RASEF: variants seen among roughly 807,000 people sequenced by gnomAD.
RASEF encodes RAS and EF-hand domain containing.
In RASEF, 68 loss-of-function variants were observed where a neutral mutation model predicts 90.1. That is an observed-to-expected ratio of 0.75 (90% CI 0.62 to 0.92). The LOEUF is 0.92. Among genes scored for constraint, RASEF ranks in the 40% least tolerant of loss-of-function variants. The pLI is 0.00. For synonymous variants in RASEF, 331 were observed against 345.2 expected (o/e 0.96, Z 0.46); for missense variants, 949 against 937.2 (o/e 1.01, Z -0.16).
the RASEF span, among the ~76,000 whole-genome samples, chr9:83,108,902 C>A: frequency 6.6e-6 from 1 of 152,164 alleles, no homozygotes; most frequent in Non-Finnish European, 1.5e-5. Flanking sequence ...ACACACAACC[C>A]AACTCTGAGA....
intron 1 of RASEF, chr9:83,054,602 T>C (rs890253974): frequency 6.7e-6 from 1 of 150,224 alleles, no homozygotes; most frequent in Non-Finnish European, 1.5e-5. Context: ...CTGCGTTCCT[T>C]TGGAGGAGGA....
intron 16 of RASEF, among the ~76,000 whole-genome samples, chr9:82,986,995 G>A (rs921948852): frequency 3.3e-5 from 5 of 152,092 alleles, no homozygotes; most frequent in Non-Finnish European, 7.4e-5. Context: ...AATATTTATG[G>A]CCTCCCTTTA....
chr9:82,993,547 A>C (rs1828854196), intron 14 of RASEF, among the ~76,000 whole-genome samples: 1 of 152,246 alleles, frequency 6.6e-6, no homozygotes, highest in Non-Finnish European at 1.5e-5. Context: ...AACACACAGT[A>C]ATTTTTCAAC....
chr9:82,984,453 C>A (rs1217150981), intron 16 of RASEF, among the ~76,000 whole-genome samples: 1 of 152,110 alleles, frequency 6.6e-6, no homozygotes, highest in Non-Finnish European at 1.5e-5. Flanking sequence ...AAGAAGACAT[C>A]TCAGCAGGGA....
intron 1 of RASEF, among the ~76,000 whole-genome samples, chr9:83,032,343 C>T (rs1215098391): frequency 6.6e-6 from 1 of 152,186 alleles, no homozygotes; most frequent in Non-Finnish European, 1.5e-5. Context: ...TTGAATTCAT[C>T]AAGGACCCAG....
chr9:83,026,982 AC>A (rs1829560467), intron 1 of RASEF, among the ~76,000 whole-genome samples: 1 of 152,116 alleles, frequency 6.6e-6, no homozygotes, highest in Non-Finnish European at 1.5e-5. Context: ...TACACTTCTG[AC>A]CAATCACCTA....
the RASEF span, among the ~76,000 whole-genome samples, chr9:83,202,666 G>GTTTGTTTT: frequency 2.8e-4 from 42 of 152,084 alleles, no homozygotes; most frequent in African/African-American, 9.2e-4. Flanking sequence ...TTGTTTGTTT[G>GTTTGTTTT]TTTTAATTTT....
the RASEF span, among the ~76,000 whole-genome samples, chr9:83,121,589 G>A: frequency 6.8e-6 from 1 of 147,270 alleles, no homozygotes; most frequent in African/African-American, 2.5e-5. Context: ...GCAGAGTTGA[G>A]TAGTTATGAC....
intron 1 of RASEF, among the ~76,000 whole-genome samples, chr9:83,028,116 C>T (rs1391923595): frequency 6.6e-6 from 1 of 152,154 alleles, no homozygotes; most frequent in Non-Finnish European, 1.5e-5. Flanking sequence ...TACCATAATA[C>T]CAGCATCAAA....
the RASEF span, among the ~76,000 whole-genome samples, chr9:83,186,114 G>A: frequency 1.3e-5 from 2 of 152,276 alleles, no homozygotes; most frequent in East Asian, 1.9e-4. Flanking sequence ...AAACTAACGG[G>A]AGTGGCTGTG....
At chr9:83,166,673 C>T in the RASEF span, among the ~76,000 whole-genome samples, 1 of 152,146 alleles carries the variant, frequency 6.6e-6, no homozygotes, top group African/African-American at 2.4e-5. Context: ...TGCACCCCCA[C>T]CCCAGCCTGG....
chr9:83,089,907 T>C, the RASEF span, among the ~76,000 whole-genome samples: 3 of 139,146 alleles, frequency 2.2e-5, no homozygotes, highest in Non-Finnish European at 4.9e-5. Flanking sequence ...GATAGATAGA[T>C]AGATAGATAG....
chr9:83,215,240 T>G, the RASEF span, among the ~76,000 whole-genome samples: 1 of 152,082 alleles, frequency 6.6e-6, no homozygotes, highest in Non-Finnish European at 1.5e-5. Context: ...AACTTCACAT[T>G]CATCCTTCAA....
intron 12 of RASEF, among the ~76,000 whole-genome samples, 185 bp downstream of exon 12, chr9:82,999,984 G>GACACACACACAC (rs55873985): frequency 4.3e-5 from 6 of 141,024 alleles, no homozygotes; most frequent in East Asian, 4.2e-4. Flanking sequence ...TAGACTAGGA[G>GACACACACACAC]ACACACACAC....
chr9:83,137,384 A>T, the RASEF span, among the ~76,000 whole-genome samples: 2 of 152,194 alleles, frequency 1.3e-5, no homozygotes, highest in African/African-American at 4.8e-5. Flanking sequence ...AAAAGATAAT[A>T]ATCATAACAA....
In RASEF at chr9:82,993,615, AC is replaced by A. The variant is rs1413477456; in HGVS notation, c.1921-591del. On this transcript the variant is annotated intron_variant, in intron 14 of 16. Coordinates refer to ENST00000376447, the MANE Select transcript of RASEF (RefSeq NM_152573.4). Reference sequence around the variant, plus strand: ...CACACTCACTGCTCTCTGGTTTACAACAAAAGCAAAATATAAAAGTCCTGAA... The same window carrying A: ...CACACTCACTGCTCTCTGGTTTACAAAAAAGCAAAATATAAAAGTCCTGAA... Among the ~76,000 whole-genome samples, 6 of 152,258 alleles carry A rather than the reference AC, an allele frequency of 3.9e-5. No individual in the cohort carries two copies. The East Asian group carries it at 9.6e-4, about 24-fold the overall frequency.
intron 3 of RASEF, among the ~76,000 whole-genome samples, chr9:83,021,562 A>G (rs1017187009): frequency 4.6e-5 from 7 of 152,254 alleles, no homozygotes; most frequent in Non-Finnish European, 7.3e-5. Context: ...ATAAAGGCAT[A>G]CAATCAGCCC....
intron 1 of RASEF, among the ~76,000 whole-genome samples, chr9:83,034,846 A>G (rs1257471884): frequency 6.6e-6 from 1 of 152,248 alleles, no homozygotes; most frequent in Non-Finnish European, 1.5e-5. Context: ...TAAAGTGGGT[A>G]TAACCTACCA....
the RASEF span, among the ~76,000 whole-genome samples, chr9:83,072,519 G>A: frequency 1.3e-5 from 2 of 152,184 alleles, no homozygotes; most frequent in Admixed American, 6.5e-5. Context: ...GAGGAGCAAG[G>A]AAGCCAGTCT....
Sources: allele counts gnomAD v4.1 joint callset (sites outside exome capture counted in the v4.1 genomes callset), GRCh38; gene constraint gnomAD v4.1.1; transcripts MANE v1.5; gene names NCBI Gene and HGNC (gene_info 2026-07-23, HGNC 2026-07-21).